MCU: variants seen among roughly 807,000 people sequenced by gnomAD.
MCU encodes calcium uniporter protein, mitochondrial.
Under a neutral mutation model 45.2 loss-of-function variants are expected in MCU, and 12 were observed. That is an observed-to-expected ratio of 0.27 (90% confidence interval 0.17 to 0.43). The LOEUF is 0.43. Ranked by LOEUF, MCU falls within the 20% of genes least tolerant of loss-of-function variation. The pLI is 1.00. For synonymous variants in MCU, 160 were observed against 165.1 expected (o/e 0.97, Z 0.24); for missense variants, 324 against 436.7 (o/e 0.74, Z 2.30).
intron 1 of MCU, among the ~76,000 whole-genome samples, chr10:72,749,493 G>T (rs1479055558): frequency 6.6e-6 from 1 of 152,070 alleles, no homozygotes; most frequent in East Asian, 1.9e-4. Flanking sequence ...ACATTAGGTT[G>T]ATCAAATTAA....
At chr10:72,722,618 T>C (rs370256412) in intron 1 of MCU, among the ~76,000 whole-genome samples, 109 of 152,120 alleles carry the variant, frequency 7.2e-4, no homozygotes, top group Admixed American at 2.7e-3. Flanking sequence ...TAAAAATTAA[T>C]TTTTCAGGGG....
intron 1 of MCU, among the ~76,000 whole-genome samples, chr10:72,781,973 G>T (rs1380866096): frequency 2.6e-5 from 4 of 152,024 alleles, no homozygotes; most frequent in African/African-American, 9.7e-5. Context: ...AGATGTTTGG[G>T]GTCACTTTCA....
At chr10:72,798,288 C>CTATT (rs968366822) in intron 1 of MCU, among the ~76,000 whole-genome samples, 1 of 152,022 alleles carries the variant, frequency 6.6e-6, no homozygotes, top group African/African-American at 2.4e-5. Flanking sequence ...AAGGTGCCCA[C>CTATT]TATTTGTTTG....
chr10:72,883,726 CAATAT>C (rs1845739154), intron 6 of MCU, among the ~76,000 whole-genome samples: 1 of 152,026 alleles, frequency 6.6e-6, no homozygotes, highest in East Asian at 1.9e-4. Flanking sequence ...TGAAGTCACA[CAATAT>C]AATATAATGG....
At chr10:72,848,448 C>T (rs533123962) in intron 2 of MCU, among the ~76,000 whole-genome samples, 7 of 151,570 alleles carry the variant, frequency 4.6e-5, no homozygotes, top group Non-Finnish European at 7.4e-5. Context: ...TTGAACTCAC[C>T]GTTTTTGGGA....
chr10:72,848,348 C>T (rs1049282687), intron 2 of MCU, among the ~76,000 whole-genome samples: 1 of 152,108 alleles, frequency 6.6e-6, no homozygotes, highest in Admixed American at 6.6e-5. Flanking sequence ...AGGAGTCCAT[C>T]TAGTGAGGGT....
chr10:72,800,628 A>C (rs1271862770), intron 1 of MCU, among the ~76,000 whole-genome samples: 3 of 152,234 alleles, frequency 2.0e-5, no homozygotes, highest in African/African-American at 7.2e-5. Context: ...TTCAATTTGA[A>C]AGGCTGAGAA....
intron 1 of MCU, among the ~76,000 whole-genome samples, chr10:72,749,573 A>T (rs1334352378): frequency 1.3e-5 from 2 of 152,158 alleles, no homozygotes; most frequent in Admixed American, 1.3e-4. Flanking sequence ...TCTTGGTGAT[A>T]GATAAGGATT....
intron 1 of MCU, among the ~76,000 whole-genome samples, chr10:72,728,723 T>C (rs111746977): frequency 0.019 from 2,855 of 152,266 alleles, 80 homozygotes; most frequent in African/African-American, 0.065. Context: ...TATTTTAACA[T>C]AGTTTGAGGA....
intron 1 of MCU, among the ~76,000 whole-genome samples, chr10:72,755,529 G>A (rs1843562918): frequency 6.6e-6 from 1 of 152,194 alleles, no homozygotes; most frequent in South Asian, 2.1e-4. Flanking sequence ...CCTATCCAAT[G>A]AGTTGTGAGT....
At chr10:72,716,693 G>A (rs2132667190) in intron 1 of MCU, among the ~76,000 whole-genome samples, 1 of 151,710 alleles carries the variant, frequency 6.6e-6, no homozygotes, top group East Asian at 1.9e-4. Context: ...TAACCAGCTT[G>A]GGCAATATAG....
At chr10:72,726,135 A>G (rs1397524943) in intron 1 of MCU, among the ~76,000 whole-genome samples, 1 of 151,904 alleles carries the variant, frequency 6.6e-6, no homozygotes, top group African/African-American at 2.4e-5. Context: ...CCTGGGCTCA[A>G]AGGATCCTCC....
chr10:72,885,810 T>TG lies in MCU; in HGVS notation c.1045dup (p.Glu349GlyfsTer22). On this transcript the variant is annotated frameshift_variant, in exon 8 of 8. Coordinates refer to ENST00000373053, the MANE Select transcript of MCU (RefSeq NM_138357.3). LOFTEE classifies it high-confidence loss of function. The stretch of plus-strand genomic sequence containing the variant: ...TACATCTGCCTCTCCGACAAATTGG[T>TG]GAAAAAGATTGATCTGCAAAAAGCC... The TG allele has an allele frequency of 6.2e-7, 1 of 1,613,294 alleles. No individual in the cohort carries two copies. Among genetic ancestry groups the TG allele is most frequent in the Non-Finnish European group, 8.5e-7 (1 of 1,179,446 alleles).
At chr10:72,753,366 C>T (rs757643185) in intron 1 of MCU, among the ~76,000 whole-genome samples, 10 of 152,086 alleles carry the variant, frequency 6.6e-5, no homozygotes, top group Non-Finnish European at 1.2e-4. Flanking sequence ...TATATTTACT[C>T]GTTGTTACAT....
chr10:72,815,346 G>C (rs1039084314), intron 1 of MCU, among the ~76,000 whole-genome samples: 7 of 152,204 alleles, frequency 4.6e-5, no homozygotes, highest in African/African-American at 1.2e-4. Context: ...GTAATATTTA[G>C]AGGTATAATA....
chr10:72,854,060 G>T (rs1409811311), intron 2 of MCU, among the ~76,000 whole-genome samples: 1 of 152,104 alleles, frequency 6.6e-6, no homozygotes, highest in Non-Finnish European at 1.5e-5. Context: ...CTTGAAGGTG[G>T]TGAAGGCTAC....
At chr10:72,717,228 G>C (rs1287674766) in intron 1 of MCU, among the ~76,000 whole-genome samples, 1 of 150,016 alleles carries the variant, frequency 6.7e-6, no homozygotes, top group South Asian at 2.1e-4. Flanking sequence ...GAGTTTGGAT[G>C]CTTTTATTGT....
At chr10:72,858,862 G>T (rs1180277976) in intron 2 of MCU, among the ~76,000 whole-genome samples, 1 of 152,116 alleles carries the variant, frequency 6.6e-6, no homozygotes, top group Non-Finnish European at 1.5e-5. Flanking sequence ...TTGCTAAATG[G>T]AACCAGGGCT....
intron 2 of MCU, among the ~76,000 whole-genome samples, chr10:72,849,937 GA>G (rs1189684284): frequency 1.4e-5 from 2 of 145,246 alleles, no homozygotes; most frequent in Non-Finnish European, 3.0e-5. Context: ...TTTTTAGACA[GA>G]ATTTTGCTCT....
Sources: allele counts gnomAD v4.1 joint callset (sites outside exome capture counted in the v4.1 genomes callset), GRCh38; gene constraint gnomAD v4.1.1; transcripts MANE v1.5; gene names NCBI Gene and HGNC (gene_info 2026-07-23, HGNC 2026-07-21).